Variants in PLXDC2 observed in about 807,000 individuals in gnomAD.
The protein encoded by PLXDC2 is plexin domain-containing protein 2.
A neutral mutation model predicts 68.9 loss-of-function variants in PLXDC2; 40 were observed. The ratio of observed to expected loss-of-function variants is 0.58; its 90% CI spans 0.45 to 0.76. The LOEUF (loss-of-function observed/expected upper bound fraction) is 0.76. Ranked by LOEUF, PLXDC2 falls within the 30% of genes least tolerant of loss-of-function variation. The pLI, the probability that PLXDC2 is intolerant of heterozygous loss-of-function variation, is 0.00. For missense variants in PLXDC2, 644 were observed against 661.9 expected (o/e 0.97, Z 0.30); for synonymous variants, 243 against 234.2 (o/e 1.04, Z -0.34).
intron 9 of PLXDC2, among the ~76,000 whole-genome samples, chr10:20,182,389 G>T (rs577256712): frequency 1.3e-5 from 2 of 151,946 alleles, no homozygotes; most frequent in South Asian, 4.1e-4. Flanking sequence ...TTCACTCAAC[G>T]TAACATTTTT....
chr10:20,262,697 A>G (rs1344920009), intron 13 of PLXDC2, among the ~76,000 whole-genome samples: 2 of 152,202 alleles, frequency 1.3e-5, no homozygotes, highest in African/African-American at 4.8e-5. Context: ...CTTTGCTGCC[A>G]TCTTTACTGT....
At chr10:20,065,356 G>A (rs80001964) in intron 3 of PLXDC2, among the ~76,000 whole-genome samples, 1 of 152,120 alleles carries the variant, frequency 6.6e-6, no homozygotes, top group Non-Finnish European at 1.5e-5. Flanking sequence ...CACCATGTTG[G>A]TGTGACTCTC....
chr10:20,074,770 C>T (rs954119913), intron 4 of PLXDC2, among the ~76,000 whole-genome samples: 1 of 152,106 alleles, frequency 6.6e-6, no homozygotes, highest in Non-Finnish European at 1.5e-5. Flanking sequence ...TAAATACCAA[C>T]AACATCTTCT....
intron 1 of PLXDC2, among the ~76,000 whole-genome samples, chr10:19,870,583 A>G: frequency 6.6e-6 from 1 of 151,880 alleles, no homozygotes; most frequent in East Asian, 1.9e-4. Flanking sequence ...CTGCCACCAC[A>G]CCTGGCTAAT....
intron 7 of PLXDC2, among the ~76,000 whole-genome samples, 175 bp from the exon 8 acceptor site, chr10:20,176,824 T>C (rs1025842989): frequency 1.3e-5 from 2 of 152,178 alleles, no homozygotes; most frequent in Non-Finnish European, 2.9e-5. Context: ...AAAAGACTTC[T>C]GGTTACTTGA....
chr10:19,822,235 AT>A (rs1237774457), intron 1 of PLXDC2, among the ~76,000 whole-genome samples: 3 of 149,114 alleles, frequency 2.0e-5, no homozygotes, highest in Non-Finnish European at 4.4e-5. Context: ...CATATGCAAT[AT>A]ATAATATAAA....
chr10:19,911,398 T>C (rs1425238212), intron 1 of PLXDC2, among the ~76,000 whole-genome samples: 1 of 152,214 alleles, frequency 6.6e-6, no homozygotes, highest in African/African-American at 2.4e-5. Context: ...TCTAGCATAA[T>C]TTTAAATAAA....
intron 1 of PLXDC2, among the ~76,000 whole-genome samples, chr10:19,877,725 CTG>C (rs1419111228): frequency 7.9e-5 from 12 of 152,252 alleles, no homozygotes; most frequent in Non-Finnish European, 1.2e-4. Context: ...CTGCCTGCCT[CTG>C]GAGAGAAAAA....
chr10:19,817,333 G>A (rs1050552860), intron 1 of PLXDC2, 142 bp downstream of exon 1: 33 of 716,178 alleles, frequency 4.6e-5, no homozygotes, highest in Non-Finnish European at 7.2e-5. Context: ...GCTAAACTTA[G>A]GCTTCCCAAA....
chr10:20,104,819 G>T (rs1833469132), intron 4 of PLXDC2, among the ~76,000 whole-genome samples: 1 of 152,076 alleles, frequency 6.6e-6, no homozygotes. Context: ...GCGGGAAGCT[G>T]AGGCAAGTGG....
intron 4 of PLXDC2, among the ~76,000 whole-genome samples, chr10:20,098,839 C>T (rs79790411): frequency 0.04 from 6,108 of 152,186 alleles, 164 homozygotes; most frequent in South Asian, 0.067. Context: ...CTGAAGGGAG[C>T]ATTGGTAGAA....
At chr10:20,258,982 TGGGCGACA>T (rs1478349984) in intron 13 of PLXDC2, among the ~76,000 whole-genome samples, 5 of 139,362 alleles carry the variant, frequency 3.6e-5, no homozygotes, top group African/African-American at 1.4e-4. Flanking sequence ...CACTCCAGCC[TGGGCGACA>T]GAGCGATACT....
intron 1 of PLXDC2, among the ~76,000 whole-genome samples, chr10:19,951,231 A>G (rs1366594073): frequency 1.3e-5 from 2 of 152,200 alleles, no homozygotes; most frequent in Admixed American, 1.3e-4. Flanking sequence ...GAAAATACTC[A>G]TAAACTATGA....
chr10:20,085,178 G>C (rs575715036), intron 4 of PLXDC2, among the ~76,000 whole-genome samples: 2 of 144,540 alleles, frequency 1.4e-5, no homozygotes, highest in African/African-American at 5.3e-5. Flanking sequence ...AAAAAAAGGT[G>C]GGGGGAGCCT....
intron 1 of PLXDC2, among the ~76,000 whole-genome samples, chr10:19,826,343 A>AT (rs1836568659): frequency 6.6e-6 from 1 of 152,084 alleles, no homozygotes; most frequent in African/African-American, 2.4e-5. Flanking sequence ...TGTTGTTGTC[A>AT]TTTAGCCCTT....
At chr10:20,014,669 G>A (rs186071295) in intron 2 of PLXDC2, among the ~76,000 whole-genome samples, 1 of 152,200 alleles carries the variant, frequency 6.6e-6, no homozygotes. Flanking sequence ...GGTTTGAGCA[G>A]ATTTAGAATG....
At chr10:19,928,291 T>G (rs1428598317) in intron 1 of PLXDC2, among the ~76,000 whole-genome samples, 1 of 152,208 alleles carries the variant, frequency 6.6e-6, no homozygotes, top group African/African-American at 2.4e-5. Context: ...GTGACTTCTT[T>G]TCCAATGCCA....
At chr10:20,071,427 G>A (rs1264678499) in intron 4 of PLXDC2, among the ~76,000 whole-genome samples, 3 of 152,168 alleles carry the variant, frequency 2.0e-5, no homozygotes, top group Non-Finnish European at 4.4e-5. Context: ...GAGGGACCAC[G>A]TGGGAGGTAA....
intron 2 of PLXDC2, among the ~76,000 whole-genome samples, chr10:20,030,974 T>C (rs1247437355): frequency 6.6e-6 from 1 of 152,060 alleles, no homozygotes; most frequent in Non-Finnish European, 1.5e-5. Flanking sequence ...CAAATGGAGA[T>C]AGAGACCCTA....
Sources: gnomAD v4.1 joint callset for allele counts (sites outside exome capture counted in the v4.1 genomes callset) on GRCh38, gnomAD v4.1.1 for gene constraint, MANE v1.5 for transcripts, NCBI Gene and HGNC (gene_info 2026-07-23, HGNC 2026-07-21) for gene names.